RARB: variants seen among roughly 807,000 people sequenced by gnomAD.
The protein encoded by RARB is HBV-activated protein.
RARB carries 17 observed loss-of-function variants against 51.9 expected under a neutral mutation model. That is an observed-to-expected ratio of 0.33 (90% CI 0.22 to 0.49). The LOEUF (loss-of-function observed/expected upper bound fraction) is 0.49, where lower values mean the gene tolerates loss of function less well. RARB is among the 20% of genes least tolerant of loss of function. The probability of loss-of-function intolerance (pLI) is 0.99; values close to 1 mark genes in which losing one functional copy is unlikely to be tolerated. For synonymous variants in RARB, 215 were observed against 195.4 expected, an observed-to-expected ratio of 1.10 and a Z score of -0.84; for missense variants, 369 against 550.8, an observed-to-expected ratio of 0.67 and a Z score of 3.30.
intron 3 of RARB, among the ~76,000 whole-genome samples, chr3:25,075,916 T>A (rs1236006678): frequency 6.6e-6 from 1 of 152,084 alleles, no homozygotes; most frequent in African/African-American, 2.4e-5. Context: ...ACTAACAAGT[T>A]GTTTATCTGT....
At chr3:25,062,826 A>G (rs1023437232) in intron 3 of RARB, among the ~76,000 whole-genome samples, 2 of 151,996 alleles carry the variant, frequency 1.3e-5, no homozygotes, top group African/African-American at 4.8e-5. Context: ...AAAAATTAAA[A>G]TGTTATCAAA....
intron 5 of RARB, among the ~76,000 whole-genome samples, chr3:25,422,637 A>G (rs1228225044): frequency 6.6e-6 from 1 of 152,102 alleles, no homozygotes; most frequent in African/African-American, 2.4e-5. Flanking sequence ...ACAATAAGGT[A>G]GAAAAGTGAG....
At chr3:24,912,562 C>T (rs1302631507) in intron 2 of RARB, among the ~76,000 whole-genome samples, 1 of 152,060 alleles carries the variant, frequency 6.6e-6, no homozygotes, top group Admixed American at 6.5e-5. Flanking sequence ...TGCAGTTCAG[C>T]TTAACATAGC....
At chr3:24,943,067 C>T (rs1033527850) in intron 2 of RARB, among the ~76,000 whole-genome samples, 1 of 152,192 alleles carries the variant, frequency 6.6e-6, no homozygotes, top group Non-Finnish European at 1.5e-5. Context: ...GATTCTGTGG[C>T]ATAGTCCATG....
chr3:25,560,676 C>T (rs924656710), intron 3 of RARB, among the ~76,000 whole-genome samples: 1 of 152,224 alleles, frequency 6.6e-6, no homozygotes, highest in Admixed American at 6.5e-5. Flanking sequence ...CTGGTCTCAT[C>T]TTGGATAAAA....
rs1236939859 is a variant in RARB at position 25,003,203 on chromosome 3, A to AAAAAAAC, written c.-379-56921_-379-56915dup. On this transcript the variant is annotated intron_variant, in intron 2 of 11. Transcript: ENST00000383772. ...GCAAAAGATCATAATGCAAAAAAAAAAAAAAACTGCTTTTGAAATCAAGTT... is the reference window on the plus strand; with the variant it reads ...GCAAAAGATCATAATGCAAAAAAAAAAAAAAACAAAAAACTGCTTTTGAAATCAAGTT... Among the ~76,000 whole-genome samples, 21 of 152,034 alleles carry AAAAAAAC rather than the reference A, an allele frequency of 1.4e-4. 1 individual carries two copies. The highest frequency in any genetic ancestry group is 4.6e-4 in the African/African-American group (19 of 41,482).
Position 25,572,638 on chromosome 3 carries a change from G to A in RARB, c.609+2720G>A, listed in dbSNP as rs143623437. 1.8e-3 allele frequency among the ~76,000 whole-genome samples: 268 copies of A among 152,310 alleles called. 5 individuals carry two copies. The highest frequency in any genetic ancestry group is 0.015 in the Admixed American group (230 of 15,310). On this transcript the variant is annotated intron_variant, in intron 4 of 7. Transcript: ENST00000330688. ...GCCATTGGCGGCATCTAGCTAGGAG[G>A]AGAGAGCTGTGACCCAGGAATAAAT...
intron 2 of RARB, among the ~76,000 whole-genome samples, chr3:24,985,750 C>G (rs989574074): frequency 6.6e-6 from 1 of 152,198 alleles, no homozygotes; most frequent in African/African-American, 2.4e-5. Flanking sequence ...CAGTCCCACT[C>G]TTTTGTACTT....
At chr3:25,594,235 T>G (rs1257349983) in intron 6 of RARB, among the ~76,000 whole-genome samples, 2 of 152,204 alleles carry the variant, frequency 1.3e-5, no homozygotes, top group Non-Finnish European at 2.9e-5. Context: ...CTGCTCAAGA[T>G]TTGTTTTAAT....
At chr3:24,935,529 A>G (rs1436672398) in intron 2 of RARB, among the ~76,000 whole-genome samples, 3 of 152,172 alleles carry the variant, frequency 2.0e-5, no homozygotes, top group Non-Finnish European at 4.4e-5. Flanking sequence ...AAGTGGGCTT[A>G]ATTTTAAAAA....
At chr3:25,222,503 C>G (rs1701968693) in intron 5 of RARB, among the ~76,000 whole-genome samples, 1 of 151,634 alleles carries the variant, frequency 6.6e-6, no homozygotes, top group African/African-American at 2.4e-5. Flanking sequence ...ATATAATTCT[C>G]AAATAGATTA....
At chr3:24,888,096 A>T (rs1488773228) in intron 2 of RARB, among the ~76,000 whole-genome samples, 1 of 152,166 alleles carries the variant, frequency 6.6e-6, no homozygotes, top group African/African-American at 2.4e-5. Flanking sequence ...TTTTTGAGGG[A>T]TAAAAAAACC....
chr3:25,317,750 T>C (rs1436565791), intron 5 of RARB, among the ~76,000 whole-genome samples: 1 of 152,220 alleles, frequency 6.6e-6, no homozygotes, highest in Non-Finnish European at 1.5e-5. Context: ...TTGATAAGAA[T>C]TTATAATTAT....
At chr3:25,185,876 A>G (rs1182850572) in intron 5 of RARB, among the ~76,000 whole-genome samples, 6 of 152,168 alleles carry the variant, frequency 3.9e-5, no homozygotes, top group African/African-American at 1.2e-4. Flanking sequence ...TACATTAAAC[A>G]TGTAATAGAA....
chr3:24,863,427 A>C (rs1420010653), intron 2 of RARB, among the ~76,000 whole-genome samples: 2 of 152,164 alleles, frequency 1.3e-5, no homozygotes, highest in Non-Finnish European at 2.9e-5. Flanking sequence ...GCAGTTCTTA[A>C]GTGTAATGGT....
At chr3:24,993,230 A>G (rs1388602087) in intron 2 of RARB, among the ~76,000 whole-genome samples, 3 of 152,196 alleles carry the variant, frequency 2.0e-5, no homozygotes, top group Non-Finnish European at 4.4e-5. Context: ...AAAATGGTGT[A>G]GAATATGTTT....
chr3:25,128,123 T>C (rs1699890651), intron 3 of RARB, among the ~76,000 whole-genome samples: 1 of 152,058 alleles, frequency 6.6e-6, no homozygotes, highest in Non-Finnish European at 1.5e-5. Flanking sequence ...TAATTCCTGC[T>C]TTTCTTAGGG....
intron 2 of RARB, among the ~76,000 whole-genome samples, chr3:24,942,262 A>AGCT (rs1695682727): frequency 6.6e-6 from 1 of 152,220 alleles, no homozygotes; most frequent in Non-Finnish European, 1.5e-5. Context: ...AAATAAACCA[A>AGCT]AATAGCTCTG....
intron 2 of RARB, among the ~76,000 whole-genome samples, chr3:24,946,113 A>C (rs1174901152): frequency 6.6e-6 from 1 of 151,870 alleles, no homozygotes; most frequent in Non-Finnish European, 1.5e-5. Flanking sequence ...AAAATACAGA[A>C]AATCAGCCAG....
Sources: gnomAD v4.1 joint callset for allele counts (sites outside exome capture counted in the v4.1 genomes callset) on GRCh38, gnomAD v4.1.1 for gene constraint, MANE v1.5 for transcripts, NCBI Gene and HGNC (gene_info 2026-07-23, HGNC 2026-07-21) for gene names.